The following ALPK2 variants were observed in gnomAD, a reference collection of about 807,000 sequenced individuals.
ALPK2 encodes the protein alpha-protein kinase 2.
Under a neutral mutation model 163.1 loss-of-function variants are expected in ALPK2, and 127 were observed. The ratio of observed to expected loss-of-function variants is 0.78; its 90% confidence interval spans 0.67 to 0.90. The LOEUF is 0.90. Ranked by LOEUF, ALPK2 falls within the 40% of genes least tolerant of loss-of-function variation. The pLI, the probability that ALPK2 is intolerant of heterozygous loss-of-function variation, is 0.00. For missense variants in ALPK2, 2,360 were observed against 2,589.6 expected, an observed-to-expected ratio of 0.91 and a Z score of 1.92; for synonymous variants, 953 against 959.1, an observed-to-expected ratio of 0.99 and a Z score of 0.12.
intron 4 of ALPK2, among the ~76,000 whole-genome samples, chr18:58,569,449 T>C (rs1376838028): frequency 6.6e-6 from 1 of 152,214 alleles, no homozygotes; most frequent in East Asian, 1.9e-4. Context: ...TCCTATACTC[T>C]GTGGACTGGG....
chr18:58,561,228 G>A (rs1240301832), intron 4 of ALPK2, among the ~76,000 whole-genome samples: 1 of 152,220 alleles, frequency 6.6e-6, no homozygotes, highest in Non-Finnish European at 1.5e-5. Flanking sequence ...GTGCAGCAAA[G>A]GCTCTAAAGT....
At chr18:58,574,364 G>T (rs946320572) in intron 4 of ALPK2, among the ~76,000 whole-genome samples, 6 of 146,162 alleles carry the variant, frequency 4.1e-5, no homozygotes. Context: ...CAGGAGAACC[G>T]CTTGAACCCA....
rs1568101783 is a variant in ALPK2, at chr18:58,613,713, ATAATAAT to A, written c.-20-1903_-20-1897del. On this transcript the variant is annotated intron_variant, in intron 1 of 12. Transcript: ENST00000361673. ...GACTCCATCTCAAAAAAAAAAAATA[ATAATAAT>A]AATAATAATAATAATAATAATAATA... Among the ~76,000 whole-genome samples, 396 of 67,154 alleles carry A rather than the reference ATAATAAT, an allele frequency of 5.9e-3. 16 individuals carry two copies. The highest frequency in any genetic ancestry group is 0.026 in the African/African-American group (365 of 14,152). 44.1% of individuals were successfully genotyped at this position (67,154 alleles called of 152,430 possible).
intron 1 of ALPK2, among the ~76,000 whole-genome samples, chr18:58,621,918 T>G (rs2052202855): frequency 6.6e-6 from 1 of 152,044 alleles, no homozygotes; most frequent in East Asian, 1.9e-4. Context: ...CAGCTCCCTC[T>G]GGATTTGTTT....
At chr18:58,588,056 A>G (rs776780914) in intron 3 of ALPK2, among the ~76,000 whole-genome samples, 10 of 152,218 alleles carry the variant, frequency 6.6e-5, no homozygotes, top group Admixed American at 2.0e-4. Flanking sequence ...TCAGCTTGCA[A>G]CTTAATCATG....
chr18:58,603,959 T>A (rs2052085196), intron 3 of ALPK2, among the ~76,000 whole-genome samples: 1 of 152,162 alleles, frequency 6.6e-6, no homozygotes, highest in Non-Finnish European at 1.5e-5. Context: ...ACAACAGCAA[T>A]GATAAATCTC....
At chr18:58,576,096 G>A (rs778279300) in intron 4 of ALPK2, among the ~76,000 whole-genome samples, 15 of 152,180 alleles carry the variant, frequency 9.9e-5, no homozygotes, top group Admixed American at 2.6e-4. Flanking sequence ...AAATTTGACC[G>A]AGCGTGGTGG....
intron 4 of ALPK2, among the ~76,000 whole-genome samples, chr18:58,546,975 G>C (rs2051720696): frequency 6.6e-6 from 1 of 152,108 alleles, no homozygotes; most frequent in South Asian, 2.1e-4. Flanking sequence ...GTCTTAAAAA[G>C]ACACAGGAGA....
rs147871028 is a variant in ALPK2 at position 58,579,069 on chromosome 18, T to C, written c.1707A>G (p.Glu569=). 6.2e-6 allele frequency: 10 copies of C among 1,614,138 alleles called. No homozygotes were observed. The highest frequency in any genetic ancestry group is 8.5e-6 in the Non-Finnish European group (10 of 1,180,052). The part of the protein sequence containing the change: ...EGTLHLCSAK[E]SAEPPLTQSD... ...TCTGGGTTAGTGGGGGCTCAGCAGA[T>C]TCTTTGGCAGAGCAGAGATGAAGGG... Residue 569 remains glutamate (E), a synonymous_variant, in exon 4 of 13, where the codon GAA becomes GAG. Coordinates refer to ENST00000361673, the MANE Select transcript of ALPK2 (RefSeq NM_052947.4).
intron 12 of ALPK2, among the ~76,000 whole-genome samples, chr18:58,491,571 A>C (rs1420653280): frequency 6.6e-6 from 1 of 152,266 alleles, no homozygotes; most frequent in African/African-American, 2.4e-5. Context: ...GAACTGACTC[A>C]GCACAAGAGG....
chr18:58,619,161 C>T (rs764619900), intron 1 of ALPK2, among the ~76,000 whole-genome samples: 3 of 152,188 alleles, frequency 2.0e-5, no homozygotes, highest in Non-Finnish European at 2.9e-5. Flanking sequence ...AAGACCATGT[C>T]GGGAGAGACA....
At chr18:58,581,784 G>C (rs1303546852) in intron 3 of ALPK2, among the ~76,000 whole-genome samples, 5 of 152,236 alleles carry the variant, frequency 3.3e-5, no homozygotes, top group Non-Finnish European at 7.3e-5. Flanking sequence ...TTAGAAGGCA[G>C]GAGCTGTGGG....
At chr18:58,512,794 G>A (rs909802292) in intron 10 of ALPK2, among the ~76,000 whole-genome samples, 1 of 146,050 alleles carries the variant, frequency 6.8e-6, no homozygotes, top group African/African-American at 2.5e-5. Context: ...GTGTGTGGGG[G>A]TGTGTGTGAT....
intron 3 of ALPK2, among the ~76,000 whole-genome samples, chr18:58,581,972 C>CTCAAGT (rs2051961079): frequency 6.6e-6 from 1 of 152,140 alleles, no homozygotes; most frequent in Admixed American, 6.5e-5. Flanking sequence ...CTCATAAACC[C>CTCAAGT]TCAAGTGTTG....
In ALPK2 at chr18:58,579,849, T is replaced by C; in HGVS notation, c.927A>G (p.Glu309=). ...LSSEDSDSDY[E]LCPEITLTYT... The stretch of plus-strand genomic sequence containing the variant: ...AGGTTAGGGTTATCTCTGGGCAAAG[T>C]TCATAGTCACTGTCAGAGTCTTCAC... The change falls in exon 4 of 13, where the codon GAA becomes GAG. Residue 309 remains glutamate, a synonymous_variant. Transcript: ENST00000361673. The C allele has an allele frequency of 3.7e-6, 6 of 1,614,174 alleles. No homozygotes were observed. The highest frequency in any genetic ancestry group is 5.1e-6 in the Non-Finnish European group (6 of 1,180,026).
intron 4 of ALPK2, among the ~76,000 whole-genome samples, chr18:58,575,008 G>A (rs897918551): frequency 3.9e-5 from 6 of 152,084 alleles, no homozygotes; most frequent in African/African-American, 1.4e-4. Context: ...GAGGTCGGGA[G>A]TTTGAGACCA....
chr18:58,483,014 A>G (rs937685439), intron 12 of ALPK2, among the ~76,000 whole-genome samples: 1 of 152,104 alleles, frequency 6.6e-6, no homozygotes, highest in African/African-American at 2.4e-5. Flanking sequence ...CACAAATCCC[A>G]TGTACACACT....
At position 58,523,916 on chromosome 18, in the gene ALPK2, A is replaced by T. The variant is rs188538961; in HGVS notation, c.5629+19T>A. 476 of 1,613,962 alleles carry T rather than the reference A, an allele frequency of 2.9e-4. 1 individual carries two copies. Among genetic ancestry groups the T allele is most frequent in the Non-Finnish European group, 3.8e-4 (445 of 1,179,990 alleles). ...AACGGGCAGGGGCCAGTGGTTTTTCATTGAAAACTGTGGTTTACCTTCAGC... is the reference window on the plus strand; with the variant it reads ...AACGGGCAGGGGCCAGTGGTTTTTCTTTGAAAACTGTGGTTTACCTTCAGC... On this transcript the variant is annotated intron_variant, in intron 7 of 12. Coordinates refer to ENST00000361673, the MANE Select transcript of ALPK2 (RefSeq NM_052947.4).
In ALPK2 at chr18:58,536,046, G is replaced by C; in HGVS notation, c.4141C>G (p.Leu1381Val). 6.2e-7 allele frequency: 1 copy of C among 1,614,174 alleles called. No individual in the cohort carries two copies. Among genetic ancestry groups the C allele is most frequent in the Non-Finnish European group, 8.5e-7 (1 of 1,180,032 alleles). ...NVSQDQEEKQ[L>V]KMDHTAFFKK... ...AAGAAGGCAGTGTGATCCATCTTGA[G>C]TTGTTTTTCCTCCTGGTCTTGACTC... The change falls in exon 5 of 13, where the codon CTC becomes GTC. Residue 1381 changes from leucine (L) to valine (V), a missense_variant. Leu to Val is a conservative substitution (Grantham distance 32, BLOSUM62 1). Coordinates refer to ENST00000361673, the MANE Select transcript of ALPK2 (RefSeq NM_052947.4).
Sources: allele counts gnomAD v4.1 joint callset (sites outside exome capture counted in the v4.1 genomes callset), GRCh38; gene constraint gnomAD v4.1.1; transcripts MANE v1.5; gene names NCBI Gene and HGNC (gene_info 2026-07-23, HGNC 2026-07-21).